The following TBKBP1 variants were observed in gnomAD, a reference collection of about 807,000 sequenced individuals.
TBKBP1 encodes the protein TBK1 binding protein 1, also known as TANK-binding kinase 1-binding protein 1.
TBKBP1 carries 47 observed loss-of-function variants against 69.9 expected under a neutral mutation model. The ratio of observed to expected loss-of-function variants is 0.67; its 90% CI spans 0.53 to 0.86. The LOEUF (loss-of-function observed/expected upper bound fraction) is 0.86, where lower values mean the gene tolerates loss of function less well. TBKBP1 is among the 40% of genes least tolerant of loss of function. The pLI is 0.00. For synonymous variants in TBKBP1, 418 were observed against 390.3 expected, an observed-to-expected ratio of 1.07 and a Z score of -0.84; for missense variants, 831 against 858.6, an observed-to-expected ratio of 0.97 and a Z score of 0.40.
Position 47,709,261 on chromosome 17 carries a change from G to C in TBKBP1, c.1528G>C (p.Glu510Gln), listed in dbSNP as rs954109386. 6.6e-6 allele frequency: 10 copies of C among 1,522,094 alleles called. No homozygotes were observed. Among genetic ancestry groups the C allele is most frequent in the Non-Finnish European group, 7.9e-6 (9 of 1,143,292 alleles). The allele number at this position is 1,522,094 out of a possible 1,614,324, so 94.3% of individuals were successfully genotyped here. A position where few individuals can be genotyped will look rare whatever the true frequency, so the allele number is the denominator to read the frequency against. ...GCCCCTCAGCCCGCGGCGCGCCTTCGAGGGCATCCGGCTGCGCTTCGAGAA... is the reference window on the plus strand; with the variant it reads ...GCCCCTCAGCCCGCGGCGCGCCTTCCAGGGCATCCGGCTGCGCTTCGAGAA... ...GRPLSPRRAFEGIRLRFEKQP... is the reference protein window; with the variant it reads ...GRPLSPRRAFQGIRLRFEKQP... Residue 510 changes from glutamate (E) to glutamine (Q), a missense_variant, in exon 9 of 10, where the codon GAG becomes CAG. Physicochemically the swap from Glu to Gln is conservative, Grantham distance 29. Transcript: ENST00000578982.
chr17:47,696,861 C>T, intron 3 of TBKBP1, 28 bp downstream of exon 3: 2 of 1,611,126 alleles, frequency 1.2e-6, no homozygotes, highest in Non-Finnish European at 1.7e-6. Context: ...GGCGCACCCC[C>T]TGAGCATCTT....
chr17:47,699,545 C>T, intron 6 of TBKBP1, 50 bp downstream of exon 6: 1 of 1,610,210 alleles, frequency 6.2e-7, no homozygotes, highest in Non-Finnish European at 8.5e-7. Context: ...GCTGGGCCTT[C>T]CCCACTGTGT....
chr17:47,707,776 G>A (rs1249735554), intron 7 of TBKBP1, among the ~76,000 whole-genome samples: 1 of 152,186 alleles, frequency 6.6e-6, no homozygotes, highest in East Asian at 1.9e-4. Flanking sequence ...GAATTGGGCT[G>A]GCTTGGGGTT....
At position 47,698,684 on chromosome 17, in the gene TBKBP1, C is replaced by T; in HGVS notation, c.543C>T (p.Ser181=). 1.9e-6 allele frequency: 3 copies of T among 1,605,302 alleles called. No homozygotes were observed. Among genetic ancestry groups the T allele is most frequent in the South Asian group, 2.2e-5 (2 of 89,262 alleles). ...QQQGLQDAAF[S]NLSPPPAPAP... Reference sequence around the variant, plus strand: ...AAGGCCTCCAGGATGCAGCCTTCTCCAACCTGAGCCCACCGCCAGCCCCCG... The same window carrying T: ...AAGGCCTCCAGGATGCAGCCTTCTCTAACCTGAGCCCACCGCCAGCCCCCG... Residue 181 remains serine (S), a synonymous_variant, in exon 5 of 10, where the codon TCC becomes TCT. Coordinates refer to ENST00000578982, the MANE Select transcript of TBKBP1 (RefSeq NM_001394755.1).
At chr17:47,709,700 G>A (rs1309801831) in intron 9 of TBKBP1, among the ~76,000 whole-genome samples, 1 of 152,266 alleles carries the variant, frequency 6.6e-6, no homozygotes, top group East Asian at 1.9e-4. Context: ...GGATTTTGGA[G>A]TGAGTGACAG....
chr17:47,698,677 C>T lies in TBKBP1; in HGVS notation c.536C>T (p.Ala179Val), dbSNP rs774088980. 1.9e-6 allele frequency: 3 copies of T among 1,604,226 alleles called. No homozygotes were observed. The highest frequency in any genetic ancestry group is 2.7e-5 in the African/African-American group (2 of 74,660). ...LRQQQGLQDA[A>V]FSNLSPPPAP... The stretch of plus-strand genomic sequence containing the variant: ...CAACAGCAAGGCCTCCAGGATGCAG[C>T]CTTCTCCAACCTGAGCCCACCGCCA... The change falls in exon 5 of 10, where the codon GCC becomes GTC. Residue 179 changes from alanine (A) to valine (V), a missense_variant. Transcript: ENST00000578982.
At chr17:47,709,721 G>A (rs1597971418) in intron 9 of TBKBP1, among the ~76,000 whole-genome samples, 1 of 152,238 alleles carries the variant, frequency 6.6e-6, no homozygotes, top group East Asian at 1.9e-4. Flanking sequence ...TTCTGCCTTT[G>A]ATTCCAAACT....
rs557768563 is a variant in TBKBP1 at position 47,696,353 on chromosome 17, G to A, written c.225+16G>A. The A allele has an allele frequency of 6.2e-6, 10 of 1,610,770 alleles. No homozygotes were observed. Among genetic ancestry groups the A allele is most frequent in the Non-Finnish European group, 8.5e-6 (10 of 1,179,278 alleles). On this transcript the variant is annotated intron_variant, in intron 2 of 9. Transcript: ENST00000578982. ...CGAGATCAAGGTCAGAACTTGGAGA[G>A]GAGGGCGCCTGATAGAGTGTATGGG...
chr17:47,705,134 C>A (rs1203495284), intron 7 of TBKBP1, among the ~76,000 whole-genome samples: 36 of 152,356 alleles, frequency 2.4e-4, no homozygotes, highest in Non-Finnish European at 5.9e-5. Context: ...GTCCCCTCCT[C>A]CTCTTCGTCT....
chr17:47,696,477 G>A, intron 2 of TBKBP1, 140 bp downstream of exon 2: 1 of 1,156,680 alleles, frequency 8.6e-7, no homozygotes, highest in Non-Finnish European at 1.2e-6. Context: ...TGAGAGACGT[G>A]GCTGTTCCGG....
Position 47,708,773 on chromosome 17 carries a change from G to GCCCCCC in TBKBP1, c.1044_1045insCCCCCC (p.Pro348_Ser349insProPro). On this transcript the variant is annotated inframe_insertion, in exon 9 of 10. Coordinates refer to ENST00000578982, the MANE Select transcript of TBKBP1 (RefSeq NM_001394755.1). The surrounding 1 kb of genome is among the most constrained non-coding windows in gnomAD (Gnocchi z 4.4). ...CAACGCCACTCCCCGGCCCCCCAGT[G>GCCCCCC]CCCCTCCCCCTCCCCGCCTGCCCGA... 1 of 881,984 alleles carries GCCCCCC rather than the reference G, an allele frequency of 1.1e-6. No individual in the cohort carries two copies. The highest frequency in any genetic ancestry group is 1.6e-6 in the Non-Finnish European group (1 of 612,608). The allele number at this position is 881,984 out of a possible 1,614,324, so 54.6% of individuals were successfully genotyped here. A position where few individuals can be genotyped will look rare whatever the true frequency, so the allele number is the denominator to read the frequency against.
At chr17:47,698,866 GTAATA>G (rs1271356351) in intron 5 of TBKBP1, 91 bp downstream of exon 5, 1 of 1,211,398 alleles carries the variant, frequency 8.3e-7, no homozygotes, top group Non-Finnish European at 1.1e-6. Context: ...CATCCCATTT[GTAATA>G]TAATCTATTT....
upstream of TBKBP1, chr17:47,694,138 G>C (rs2031105307): frequency 6.7e-6 from 1 of 149,558 alleles, no homozygotes; most frequent in African/African-American, 2.5e-5. Context: ...TGCCCGTTTG[G>C]GGAGGGAGCA....
Position 47,709,326 on chromosome 17 carries a change from C to G in TBKBP1, c.1593C>G (p.Ser531Arg). ...AGGACGAGTGGGCTGTGCCCACCAG[C>G]CCGCCCAGCCCGGAGGTGGGCACCA... ...SEEDEWAVPT[S>R]PPSPEVGTIR... The change falls in exon 9 of 10, where the codon AGC becomes AGG. Residue 531 changes from serine (S) to arginine (R), a missense_variant. Transcript: ENST00000578982. The G allele has an allele frequency of 4.6e-6, 7 of 1,526,026 alleles. No individual in the cohort carries two copies. Among genetic ancestry groups the G allele is most frequent in the Non-Finnish European group, 6.1e-6 (7 of 1,142,644 alleles). The allele number at this position is 1,526,026 out of a possible 1,614,324, so 94.5% of individuals were successfully genotyped here. A position where few individuals can be genotyped will look rare whatever the true frequency, so the allele number is the denominator to read the frequency against.
intron 1 of TBKBP1, 146 bp from the exon 2 acceptor site, chr17:47,695,933 G>A: frequency 1.7e-6 from 1 of 586,988 alleles, no homozygotes; most frequent in South Asian, 2.2e-5. Context: ...TCTGGGAAGG[G>A]GCCATGGGAG....
intron 7 of TBKBP1, among the ~76,000 whole-genome samples, chr17:47,701,052 C>T (rs2031481531): frequency 6.6e-6 from 1 of 152,180 alleles, no homozygotes; most frequent in Non-Finnish European, 1.5e-5. Context: ...AGGAACTAAC[C>T]CTCCACCGCA....
In TBKBP1 at chr17:47,712,006, G is replaced by C. The variant is rs2031941814; in HGVS notation, c.*1380G>C. Reference sequence around the variant, plus strand: ...CTGGAGAGGGGAGGCAGGGGCCCCTGTGCTCTCTGAACAAGTTGAAAGTCC... The same window carrying C: ...CTGGAGAGGGGAGGCAGGGGCCCCTCTGCTCTCTGAACAAGTTGAAAGTCC... On this transcript the variant is annotated 3_prime_UTR_variant, in exon 10 of 10. Coordinates refer to ENST00000578982, the MANE Select transcript of TBKBP1 (RefSeq NM_001394755.1). The C allele has an allele frequency of 6.6e-6, 1 of 152,538 alleles. No homozygotes were observed. Among genetic ancestry groups the C allele is most frequent in the African/African-American group, 2.4e-5 (1 of 41,422 alleles). The allele number at this position is 152,538 out of a possible 1,614,324, so 9.4% of individuals were successfully genotyped here.
rs1170697190 is a variant in TBKBP1 at position 47,697,949 on chromosome 17, CAAAAAAA to C, written c.454-626_454-620del. Among the ~76,000 whole-genome samples, 305 of 36,942 alleles carry C rather than the reference CAAAAAAA, an allele frequency of 8.3e-3. 2 individuals carry two copies. Among genetic ancestry groups the C allele is most frequent in the African/African-American group, 0.029 (282 of 9,730 alleles). The allele number at this position is 36,942 out of a possible 152,430, so 24.2% of individuals were successfully genotyped here. On this transcript the variant is annotated intron_variant, in intron 4 of 9. Coordinates refer to ENST00000578982, the MANE Select transcript of TBKBP1 (RefSeq NM_001394755.1). ...GGGTGACATAGCCAGACCCTGTCTC[CAAAAAAA>C]AAAAAAAAAAAAAAAAAAATCAGGA...
intron 7 of TBKBP1, among the ~76,000 whole-genome samples, chr17:47,701,911 C>T (rs2031521485): frequency 6.6e-6 from 1 of 152,240 alleles, no homozygotes; most frequent in African/African-American, 2.4e-5. Context: ...CTCCTGGCTC[C>T]TCCCCTCCTT....
Sources: allele counts gnomAD v4.1 joint callset (sites outside exome capture counted in the v4.1 genomes callset), GRCh38; gene constraint gnomAD v4.1.1; non-coding constraint Gnocchi (gnomAD v3.1); transcripts MANE v1.5; gene names NCBI Gene and HGNC (gene_info 2026-07-23, HGNC 2026-07-21).